The following ERC2 variants were observed in gnomAD, a reference collection of about 807,000 sequenced individuals.
The protein encoded by ERC2 is ELKS/RAB6-interacting/CAST family member 2.
A neutral mutation model predicts 114.8 loss-of-function variants in ERC2; 42 were observed. The ratio of observed to expected loss-of-function variants is 0.37; its 90% CI spans 0.29 to 0.47. ERC2 has a LOEUF of 0.47. Among genes scored for constraint, ERC2 ranks in the 20% least tolerant of loss-of-function variants. The pLI, the probability that ERC2 is intolerant of heterozygous loss-of-function variation, is 0.99. For missense variants in ERC2, 939 were observed against 1,150.7 expected (o/e 0.82, Z 2.66); for synonymous variants, 454 against 425.5 (o/e 1.07, Z -0.82).
chr3:56,178,748 G>T (rs1259679879), intron 3 of ERC2, among the ~76,000 whole-genome samples: 1 of 151,186 alleles, frequency 6.6e-6, no homozygotes, highest in South Asian at 2.1e-4. Context: ...ATAGTTGTTT[G>T]TTTTTTTTTA....
intron 14 of ERC2, among the ~76,000 whole-genome samples, chr3:55,852,235 C>CA (rs2149244103): frequency 6.6e-6 from 1 of 152,078 alleles, no homozygotes; most frequent in South Asian, 2.1e-4. Flanking sequence ...CAAAACAAAA[C>CA]AAAAAAACTG....
chr3:56,331,782 G>A (rs1409807172), intron 2 of ERC2, among the ~76,000 whole-genome samples: 3 of 152,104 alleles, frequency 2.0e-5, no homozygotes, highest in African/African-American at 7.2e-5. Context: ...TGTTTGGTAG[G>A]CATGTGGCTT....
chr3:56,455,981 A>G (rs2107542060), intron 1 of ERC2, among the ~76,000 whole-genome samples: 1 of 152,342 alleles, frequency 6.6e-6, no homozygotes, highest in South Asian at 2.1e-4. Flanking sequence ...GGACAGACAG[A>G]TAACCACCAC....
intron 13 of ERC2, among the ~76,000 whole-genome samples, chr3:55,911,881 C>G (rs1346173669): frequency 6.6e-6 from 1 of 152,170 alleles, no homozygotes; most frequent in Non-Finnish European, 1.5e-5. Context: ...TTGTTCCACT[C>G]AAACTTGAAA....
intron 15 of ERC2, among the ~76,000 whole-genome samples, chr3:55,707,915 G>A (rs2063574700): frequency 6.6e-6 from 1 of 152,092 alleles, no homozygotes; most frequent in South Asian, 2.1e-4. Flanking sequence ...TGAGGCTTAG[G>A]GATTAAGCAA....
At chr3:56,310,871 C>T (rs1378328931) in intron 2 of ERC2, among the ~76,000 whole-genome samples, 2 of 151,818 alleles carry the variant, frequency 1.3e-5, no homozygotes, top group Middle Eastern at 3.4e-3. Context: ...GTGAGAAATG[C>T]TTCCCTAAAC....
intron 3 of ERC2, among the ~76,000 whole-genome samples, chr3:56,279,900 A>G (rs950541325): frequency 1.3e-5 from 2 of 152,234 alleles, no homozygotes; most frequent in Admixed American, 6.5e-5. Context: ...TAAGCTGAGT[A>G]ACGGACCCCC....
chr3:56,247,157 C>G (rs757373138), intron 3 of ERC2, among the ~76,000 whole-genome samples: 2 of 152,176 alleles, frequency 1.3e-5, no homozygotes, highest in African/African-American at 2.4e-5. Flanking sequence ...GACAAAACAC[C>G]CAGCTACAAC....
intron 14 of ERC2, among the ~76,000 whole-genome samples, chr3:55,770,698 C>T (rs2068131042): frequency 6.6e-6 from 1 of 152,134 alleles, no homozygotes; most frequent in African/African-American, 2.4e-5. Flanking sequence ...TACACATGTG[C>T]AGGTTTGTTA....
chr3:56,260,946 C>T (rs970332808), intron 3 of ERC2, among the ~76,000 whole-genome samples: 6 of 152,196 alleles, frequency 3.9e-5, no homozygotes, highest in African/African-American at 9.7e-5. Flanking sequence ...CTCTCCTTGT[C>T]CACTCTATTG....
At chr3:55,956,194 G>A (rs761801158) in intron 12 of ERC2, among the ~76,000 whole-genome samples, 2 of 152,078 alleles carry the variant, frequency 1.3e-5, no homozygotes, top group Non-Finnish European at 2.9e-5. Flanking sequence ...ATGCATTATT[G>A]AATGCTTTAT....
At chr3:55,679,633 G>A (rs1049909346) in intron 17 of ERC2, among the ~76,000 whole-genome samples, 6 of 152,176 alleles carry the variant, frequency 3.9e-5, no homozygotes. Context: ...ATGAATGAAT[G>A]AATAAATGAA....
At chr3:55,613,456 C>T (rs2058988928) in intron 17 of ERC2, among the ~76,000 whole-genome samples, 1 of 152,172 alleles carries the variant, frequency 6.6e-6, no homozygotes, top group South Asian at 2.1e-4. Flanking sequence ...TGGACCTTCA[C>T]CATAGGAAAA....
At chr3:56,161,948 C>T (rs960758290) in intron 4 of ERC2, among the ~76,000 whole-genome samples, 10 of 152,076 alleles carry the variant, frequency 6.6e-5, no homozygotes, top group African/African-American at 1.9e-4. Context: ...GAGTGAGCAT[C>T]CTTGTCTTGT....
At chr3:55,920,415 A>AACACAC (rs10560997) in intron 13 of ERC2, among the ~76,000 whole-genome samples, 12,456 of 146,654 alleles carry the variant, frequency 0.085, 547 homozygotes, top group Non-Finnish European at 0.1. Flanking sequence ...GGCACACTAA[A>AACACAC]ACACACACAC....
At chr3:55,650,585 G>C (rs1185604283) in intron 17 of ERC2, among the ~76,000 whole-genome samples, 1 of 152,148 alleles carries the variant, frequency 6.6e-6, no homozygotes, top group Non-Finnish European at 1.5e-5. Flanking sequence ...CTCTCCCTGA[G>C]AGAAGGTAAT....
At chr3:56,208,608 G>C (rs1452224574) in intron 3 of ERC2, among the ~76,000 whole-genome samples, 1 of 152,140 alleles carries the variant, frequency 6.6e-6, no homozygotes, top group Non-Finnish European at 1.5e-5. Flanking sequence ...GAAGAAGGGG[G>C]ACATTTGTGC....
intron 13 of ERC2, among the ~76,000 whole-genome samples, chr3:55,936,378 T>C (rs1347864385): frequency 2.0e-5 from 3 of 152,178 alleles, no homozygotes; most frequent in Non-Finnish European, 4.4e-5. Context: ...TCCTACATTC[T>C]AGGAGGAGGG....
intron 14 of ERC2, among the ~76,000 whole-genome samples, chr3:55,859,857 G>A (rs1312209656): frequency 2.6e-5 from 4 of 151,970 alleles, no homozygotes; most frequent in Non-Finnish European, 5.9e-5. Flanking sequence ...AGACAAACCA[G>A]GGGGATGACA....
Sources: allele counts gnomAD v4.1 joint callset (sites outside exome capture counted in the v4.1 genomes callset), GRCh38; gene constraint gnomAD v4.1.1; transcripts MANE v1.5; gene names NCBI Gene and HGNC (gene_info 2026-07-23, HGNC 2026-07-21).